CCR5AS: variants seen among roughly 807,000 people sequenced by gnomAD.
CCR5AS encodes CCR5 antisense RNA.
chr3:46,402,481 G>A (rs1467423026), intron 1 of CCR5AS, among the ~76,000 whole-genome samples: 1 of 152,166 alleles, frequency 6.6e-6, no homozygotes, highest in Non-Finnish European at 1.5e-5. Flanking sequence ...TTAAGAAGCA[G>A]TGGTATTTAA....
At chr3:46,395,768 G>A (rs746682138) in intron 1 of CCR5AS, among the ~76,000 whole-genome samples, 1 of 150,358 alleles carries the variant, frequency 6.7e-6, no homozygotes, top group African/African-American at 2.4e-5. Flanking sequence ...TCCTGGTTCT[G>A]CCCCCAAGCC....
intron 1 of CCR5AS, among the ~76,000 whole-genome samples, chr3:46,405,080 T>G (rs953433899): frequency 1.3e-5 from 2 of 152,190 alleles, no homozygotes; most frequent in Admixed American, 6.5e-5. Context: ...GATATGAGAA[T>G]AATAAAGAGA....
chr3:46,371,603 AAG>A (rs957991424), intron 2 of CCR5AS, among the ~76,000 whole-genome samples: 1 of 152,346 alleles, frequency 6.6e-6, no homozygotes, highest in Admixed American at 6.5e-5. Context: ...AGGGTTTAAT[AAG>A]AGAAAATTCT....
chr3:46,383,256 CT>C (rs1701831097), intron 2 of CCR5AS, among the ~76,000 whole-genome samples: 1 of 152,168 alleles, frequency 6.6e-6, no homozygotes, highest in Non-Finnish European at 1.5e-5. Flanking sequence ...TCTGTAGCTC[CT>C]TTTGAAAGCC....
At chr3:46,390,003 G>A (rs1341027129) in intron 2 of CCR5AS, among the ~76,000 whole-genome samples, 1 of 152,172 alleles carries the variant, frequency 6.6e-6, no homozygotes, top group Non-Finnish European at 1.5e-5. Flanking sequence ...CTAGTGTCCT[G>A]CTGGGAAGAT....
chr3:46,373,902 C>A (rs147879075), intron 2 of CCR5AS: 23 of 1,607,754 alleles, frequency 1.4e-5, no homozygotes, highest in Middle Eastern at 1.7e-4. Flanking sequence ...GGCTCCCGAG[C>A]GAGCAAGCTC....
chr3:46,366,929 G>A (rs775101727), intron 3 of CCR5AS, among the ~76,000 whole-genome samples: 8 of 152,302 alleles, frequency 5.3e-5, no homozygotes, highest in African/African-American at 9.6e-5. Flanking sequence ...CACTGATGGT[G>A]ACAATCAGTG....
chr3:46,401,875 C>T (rs567297978), intron 1 of CCR5AS, among the ~76,000 whole-genome samples: 1 of 151,806 alleles, frequency 6.6e-6, no homozygotes, highest in South Asian at 2.1e-4. Context: ...AATATACTCA[C>T]TGAACTTTTA....
intron 1 of CCR5AS, among the ~76,000 whole-genome samples, chr3:46,399,239 T>C (rs149082632): frequency 6.6e-6 from 1 of 152,322 alleles, no homozygotes; most frequent in East Asian, 1.9e-4. Flanking sequence ...TCTGTAGTAA[T>C]GGAGAGCCGG....
At chr3:46,387,147 C>A (rs866757487) in intron 2 of CCR5AS, among the ~76,000 whole-genome samples, 2 of 152,096 alleles carry the variant, frequency 1.3e-5, no homozygotes, top group African/African-American at 4.8e-5. Flanking sequence ...AAAGATACCC[C>A]CTTCCTACTA....
At chr3:46,391,220 C>G (rs1169757997) in intron 2 of CCR5AS, among the ~76,000 whole-genome samples, 1 of 152,174 alleles carries the variant, frequency 6.6e-6, no homozygotes, top group Non-Finnish European at 1.5e-5. Flanking sequence ...GGAGGAGGTC[C>G]TGGAGAAATG....
intron 1 of CCR5AS, among the ~76,000 whole-genome samples, chr3:46,399,171 T>C (rs536076025): frequency 6.6e-6 from 1 of 152,326 alleles, no homozygotes; most frequent in South Asian, 2.1e-4. Flanking sequence ...CTTGGGAATC[T>C]CTAAATGTAA....
rs376941143 is a variant in CCR5AS at position 46,383,570 on chromosome 3, A to G, written n.391+9255T>C. Among the ~76,000 whole-genome samples the G allele has an allele frequency of 4.3e-4, 65 of 152,264 alleles. 1 individual carries two copies. In the South Asian group the frequency reaches 0.012, roughly 29 times the overall value. On this transcript the variant is annotated intron_variant and non_coding_transcript_variant, in intron 2 of 3. Coordinates refer to ENST00000451485, the Ensembl canonical transcript of CCR5AS. ...GGGGCCCTCATCCTCAGCTGTGCCT[A>G]TGCAAAGGAGAGCAACCAATAAACC...
intron 1 of CCR5AS, among the ~76,000 whole-genome samples, chr3:46,400,476 G>C (rs1419287081): frequency 1.3e-5 from 2 of 152,216 alleles, no homozygotes; most frequent in Non-Finnish European, 2.9e-5. Context: ...GAGGCTGGAA[G>C]GCTTGATGAA....
At chr3:46,394,541 C>T (rs1278220055) in intron 1 of CCR5AS, among the ~76,000 whole-genome samples, 2 of 152,178 alleles carry the variant, frequency 1.3e-5, no homozygotes, top group African/African-American at 4.8e-5. Context: ...CAGAACACCA[C>T]TCTCTCAAGC....
At chr3:46,364,596 T>A (rs1701582924) in exon 4 of CCR5AS, among the ~76,000 whole-genome samples, 1 of 151,914 alleles carries the variant, frequency 6.6e-6, no homozygotes, top group Admixed American at 6.6e-5. Context: ...TTTCAAGTCT[T>A]ATTAAGAAAT....
At chr3:46,377,896 AG>A (rs1191990278) in intron 2 of CCR5AS, among the ~76,000 whole-genome samples, 13 of 152,126 alleles carry the variant, frequency 8.5e-5, no homozygotes, top group Admixed American at 8.5e-4. Flanking sequence ...TAGTAGAGAC[AG>A]GGTTTCACCG....
exon 2 of CCR5AS, chr3:46,392,927 C>T (rs768466004): frequency 2.3e-5 from 4 of 175,278 alleles, no homozygotes; most frequent in Non-Finnish European, 3.5e-5. Context: ...ACCAATCTCC[C>T]GAAGGAGTCA....
At chr3:46,405,928 C>A (rs1258444582) in intron 1 of CCR5AS, among the ~76,000 whole-genome samples, 1 of 151,498 alleles carries the variant, frequency 6.6e-6, no homozygotes, top group South Asian at 2.1e-4. Flanking sequence ...GGCCAGAGTG[C>A]AGAGTGGCAT....
Sources: allele counts gnomAD v4.1 joint callset (sites outside exome capture counted in the v4.1 genomes callset), GRCh38; gene constraint gnomAD v4.1.1; transcripts MANE v1.5; gene names NCBI Gene and HGNC (gene_info 2026-07-23, HGNC 2026-07-21).